The following ZFHX4 variants were observed in gnomAD, a reference collection of about 807,000 sequenced individuals.
The protein encoded by ZFHX4 is zinc finger homeobox 4.
In ZFHX4, 56 loss-of-function variants were observed where a neutral mutation model predicts 267.6. The observed-to-expected ratio is 0.21, with a 90% CI of 0.17 to 0.26. The LOEUF (loss-of-function observed/expected upper bound fraction) is 0.26, where lower values mean the gene tolerates loss of function less well. Among genes scored for constraint, ZFHX4 ranks in the 10% least tolerant of loss-of-function variants. The pLI, the probability that ZFHX4 is intolerant of heterozygous loss-of-function variation, is 1.00. For missense variants in ZFHX4, 4,332 were observed against 4,420.0 expected (o/e 0.98, Z 0.56); for synonymous variants, 1,778 against 1,665.6 (o/e 1.07, Z -1.64).
intron 4 of ZFHX4, among the ~76,000 whole-genome samples, chr8:76,820,325 T>C (rs1009439078): frequency 6.6e-6 from 1 of 152,246 alleles, no homozygotes; most frequent in Non-Finnish European, 1.5e-5. Flanking sequence ...TAATCATTTA[T>C]GAATTAATTG....
intron 4 of ZFHX4, among the ~76,000 whole-genome samples, chr8:76,784,473 C>G (rs1429271490): frequency 6.6e-6 from 1 of 151,958 alleles, no homozygotes. Flanking sequence ...TAATATACAT[C>G]CTAATCTGTC....
At chr8:76,780,854 G>A (rs907930713) in intron 4 of ZFHX4, among the ~76,000 whole-genome samples, 6 of 152,084 alleles carry the variant, frequency 3.9e-5, no homozygotes, top group Admixed American at 2.0e-4. Context: ...AATTTGAAGT[G>A]AGACACATTC....
Position 76,704,138 on chromosome 8 carries a change from G to A in ZFHX4, c.50G>A (p.Ser17Asn). ...PPISRQENGQ[S>N]TSKLCGTTQL... ...ATCTCAAGGCAGGAAAATGGGCAGA[G>A]CACATCAAAGCTATGTGGAACGACA... Residue 17 changes from serine (S) to asparagine (N), a missense_variant, in exon 2 of 11, where the codon AGC becomes AAC. Ser to Asn is a conservative substitution (Grantham distance 46). Transcript: ENST00000651372. 6.2e-7 allele frequency: 1 copy of A among 1,613,874 alleles called. No homozygotes were observed. Among genetic ancestry groups the A allele is most frequent in the Non-Finnish European group, 8.5e-7 (1 of 1,179,832 alleles).
intron 3 of ZFHX4, among the ~76,000 whole-genome samples, chr8:76,726,171 T>C (rs1808848166): frequency 6.6e-6 from 1 of 152,124 alleles, no homozygotes; most frequent in East Asian, 1.9e-4. Context: ...TTTTGGAAAT[T>C]TGCAGACAAC....
intron 3 of ZFHX4, among the ~76,000 whole-genome samples, chr8:76,715,582 C>G (rs1359461749): frequency 6.7e-6 from 1 of 149,478 alleles, no homozygotes; most frequent in Non-Finnish European, 1.5e-5. Context: ...TGGTATAACT[C>G]TTGGGAAACC....
intron 4 of ZFHX4, among the ~76,000 whole-genome samples, chr8:76,821,326 T>G (rs1264826287): frequency 6.6e-6 from 1 of 152,176 alleles, no homozygotes; most frequent in Non-Finnish European, 1.5e-5. Flanking sequence ...TTTTCCACAC[T>G]TGACATCTCC....
chr8:76,701,331 AT>A (rs1808097652), intron 1 of ZFHX4, among the ~76,000 whole-genome samples: 1 of 152,228 alleles, frequency 6.6e-6, no homozygotes, highest in Non-Finnish European at 1.5e-5. Flanking sequence ...TTAGTTTCTG[AT>A]TTATGTGTAG....
intron 5 of ZFHX4, 167 bp downstream of exon 5, chr8:76,833,573 G>T: frequency 1.8e-6 from 1 of 569,036 alleles, no homozygotes. Flanking sequence ...TCAATAATTG[G>T]AAGTATATGT....
chr8:76,801,444 C>T (rs1811114018), intron 4 of ZFHX4, among the ~76,000 whole-genome samples: 1 of 152,136 alleles, frequency 6.6e-6, no homozygotes, highest in East Asian at 1.9e-4. Context: ...TTTACCTCCG[C>T]ATTTGTGGGC....
intron 1 of ZFHX4, among the ~76,000 whole-genome samples, chr8:76,691,408 C>A (rs886725800): frequency 6.6e-6 from 1 of 152,016 alleles, no homozygotes; most frequent in African/African-American, 2.4e-5. Flanking sequence ...AACAACACTT[C>A]AATTCCGTGT....
Position 76,707,857 on chromosome 8 carries a change from A to T in ZFHX4, c.2902A>T (p.Met968Leu). 6.2e-7 allele frequency: 1 copy of T among 1,614,138 alleles called. No homozygotes were observed. The highest frequency in any genetic ancestry group is 8.5e-7 in the Non-Finnish European group (1 of 1,179,966). ...GCTACACTGCAAGACTGATAAACATATGCAGAAATATCAACTGGTGGCTCA... is the reference window on the plus strand; with the variant it reads ...GCTACACTGCAAGACTGATAAACATTTGCAGAAATATCAACTGGTGGCTCA... The part of the protein sequence containing the change: ...FQLHCKTDKH[M>L]QKYQLVAHIK... Residue 968 changes from methionine (M) to leucine (L), a missense_variant, in exon 3 of 11, where the codon ATG (methionine) becomes TTG (leucine). Around this residue, in one of 7 missense-constraint regions of ZFHX4, gnomAD observed 1,371 missense variants for 1,423.1 expected, o/e 0.96. Transcript: ENST00000651372.
chr8:76,713,073 A>G (rs2131624153), intron 3 of ZFHX4, among the ~76,000 whole-genome samples: 1 of 152,326 alleles, frequency 6.6e-6, no homozygotes, highest in East Asian at 1.9e-4. Flanking sequence ...AGCCCTATCA[A>G]CTATGTCTAC....
Position 76,855,652 on chromosome 8 carries a change from A to C in ZFHX4, c.8731A>C (p.Asn2911His), listed in dbSNP as rs759607265. The change falls in exon 10 of 11, where the codon AAT becomes CAT. Residue 2911 changes from asparagine to histidine, a missense_variant. Asn to His is a moderately conservative substitution (Grantham distance 68). Coordinates refer to ENST00000651372, the MANE Select transcript of ZFHX4 (RefSeq NM_024721.5). Reference protein sequence around the residue: ...TSSIADPSSPNPFGSSNPFKS... With the variant: ...TSSIADPSSPHPFGSSNPFKS... ...CAGCATAGCGGACCCGAGCTCCCCA[A>C]ATCCATTCGGATCCAGCAATCCCTT... is the stretch of plus-strand genomic sequence containing the variant. 6.2e-7 allele frequency: 1 copy of C among 1,613,876 alleles called. No homozygotes were observed. The highest frequency in any genetic ancestry group is 8.5e-7 in the Non-Finnish European group (1 of 1,179,842).
chr8:76,859,065 G>A (rs1696499321), intron 10 of ZFHX4, among the ~76,000 whole-genome samples: 1 of 152,178 alleles, frequency 6.6e-6, no homozygotes, highest in Admixed American at 6.5e-5. Flanking sequence ...GTGTAAAAAT[G>A]TTCGGTTTTA....
chr8:76,716,512 T>G (rs547959340), intron 3 of ZFHX4, among the ~76,000 whole-genome samples: 7 of 152,340 alleles, frequency 4.6e-5, no homozygotes, highest in Middle Eastern at 3.4e-3. Context: ...GCTGGAATTC[T>G]AACCTTGGCC....
chr8:76,705,365 G>A lies in ZFHX4; in HGVS notation c.1277G>A (p.Ser426Asn), dbSNP rs372128559. ...ACCCCAATTACCTCTGTCTCCCTCA[G>A]CCACTCATCGTCTGAGTCTAGCAAG... ...VNTPITSVSL[S>N]HSSSESSKMS... Residue 426 changes from serine to asparagine, a missense_variant, in exon 2 of 11, where the codon AGC becomes AAC. Around this residue, in one of 7 missense-constraint regions of ZFHX4, gnomAD observed 1,195 missense variants for 1,173.6 expected, o/e 1.02. Transcript: ENST00000651372. The A allele has an allele frequency of 2.4e-5, 39 of 1,613,918 alleles. No individual in the cohort carries two copies. In the Middle Eastern group the frequency reaches 8.2e-4, roughly 34 times the overall value.
At chr8:76,687,535 A>C (rs911267344) in intron 1 of ZFHX4, among the ~76,000 whole-genome samples, 1 of 152,194 alleles carries the variant, frequency 6.6e-6, no homozygotes, top group African/African-American at 2.4e-5. Context: ...CTTTTTGGGC[A>C]TCTGTAAAAG....
At chr8:76,847,844 G>A (rs975942704) in intron 6 of ZFHX4, among the ~76,000 whole-genome samples, 14 of 151,916 alleles carry the variant, frequency 9.2e-5, no homozygotes, top group South Asian at 6.2e-4. Context: ...CATATGAACC[G>A]TATGTGGATT....
intron 3 of ZFHX4, among the ~76,000 whole-genome samples, chr8:76,757,481 A>C (rs527703955): frequency 6.6e-6 from 1 of 152,236 alleles, no homozygotes; most frequent in South Asian, 2.1e-4. Flanking sequence ...TGTGATGGTC[A>C]ACCACTGGAG....
Sources: allele counts gnomAD v4.1 joint callset (sites outside exome capture counted in the v4.1 genomes callset), GRCh38; gene constraint gnomAD v4.1.1; regional missense constraint gnomAD v4.1.1; transcripts MANE v1.5; gene names NCBI Gene and HGNC (gene_info 2026-07-23, HGNC 2026-07-21).